GGCX: variants seen among roughly 807,000 people sequenced by gnomAD.
The protein encoded by GGCX is vitamin K-dependent gamma-carboxylase.
GGCX carries 63 observed loss-of-function variants against 88.5 expected under a neutral mutation model. The observed-to-expected ratio is 0.71, with a 90% CI of 0.58 to 0.88. The LOEUF is 0.88. Ranked by LOEUF, GGCX falls within the 40% of genes least tolerant of loss-of-function variation. GGCX has a pLI of 0.00. For missense variants in GGCX, 805 were observed against 932.9 expected (o/e 0.86, Z 1.79); for synonymous variants, 368 against 365.8 (o/e 1.01, Z -0.07).
In GGCX at chr2:85,551,956, C is replaced by T. The variant is rs375186088; in HGVS notation, c.1465G>A (p.Val489Met). ...QRIFDPRVDI[V>M]QAAWSPFQRT... ...TGAAAGGGTGACCAAGCGGCCTGCA[C>T]GATGTCCACACGAGGGTCAAAAATC... Residue 489 changes from valine (V) to methionine (M), a missense_variant, in exon 11 of 15, where the codon GTG becomes ATG. Physicochemically the swap from Val to Met is conservative, Grantham distance 21. Around this residue, in one of 3 missense-constraint regions of GGCX, gnomAD observed 680 missense variants for 763.7 expected, o/e 0.89. Transcript: ENST00000233838. 26 of 1,613,854 alleles carry T rather than the reference C, an allele frequency of 1.6e-5. No homozygotes were observed. In the African/African-American group the frequency reaches 3.2e-4, roughly 20 times the overall value.
Position 85,545,289 on chromosome 2 carries a change from G to A in GGCX, c.*4645C>T, listed in dbSNP as rs1393477163. 6.6e-6 allele frequency: 1 copy of A among 152,610 alleles called. No homozygotes were observed. The highest frequency in any genetic ancestry group is 2.4e-5 in the African/African-American group (1 of 41,434). The allele number at this position is 152,610 out of a possible 1,614,324, so 9.5% of individuals were successfully genotyped here. The stretch of plus-strand genomic sequence containing the variant: ...GCTAGGTTCTACCTTAACTGTGTCT[G>A]TTACTCATTTGTTAAAGTGCTTTGG... On this transcript the variant is annotated 3_prime_UTR_variant, in exon 15 of 15. Transcript: ENST00000233838.
rs202216508 is a variant in GGCX, at chr2:85,553,445, C to G, written c.942G>C (p.Glu314Asp). 20 of 1,613,968 alleles carry G rather than the reference C, an allele frequency of 1.2e-5. No individual in the cohort carries two copies. The South Asian group carries it at 2.2e-4, about 18-fold the overall frequency. The part of the protein sequence containing the change: ...LASSPLFCSP[E>D]WPRKLVSYCP... Reference sequence around the variant, plus strand: ...AGTAGGACACCAGCTTCCGAGGCCACTCAGGGGAGCAGAAGAGAGGGCTGC... The same window carrying G: ...AGTAGGACACCAGCTTCCGAGGCCAGTCAGGGGAGCAGAAGAGAGGGCTGC... Residue 314 changes from glutamate (E) to aspartate (D), a missense_variant, in exon 8 of 15, where the codon GAG becomes GAC. This residue lies in a region of GGCX where 680 missense variants were observed against 763.7 expected (regional missense o/e 0.89). Transcript: ENST00000233838.
chr2:85,545,789 A>G lies in GGCX; in HGVS notation c.*4145T>C, dbSNP rs1691632296. 6.6e-6 allele frequency: 1 copy of G among 151,816 alleles called. No homozygotes were observed. Among genetic ancestry groups the G allele is most frequent in the Non-Finnish European group, 1.5e-5 (1 of 68,046 alleles). 9.4% of individuals were successfully genotyped at this position (151,816 alleles called of 1,614,324 possible). A position where few individuals can be genotyped will look rare whatever the true frequency, so the allele number is the denominator to read the frequency against. ...TGGCAATTTAAGCCTATTAATCTGC[A>G]TACATTTTTAAATTATGAGCTTAGT... On this transcript the variant is annotated 3_prime_UTR_variant, in exon 15 of 15. Coordinates refer to ENST00000233838, the MANE Select transcript of GGCX (RefSeq NM_000821.7).
rs1168487334 is a variant in GGCX, at chr2:85,546,081, G to T, written c.*3853C>A. 1 of 152,216 alleles carries T rather than the reference G, an allele frequency of 6.6e-6. No individual in the cohort carries two copies. Among genetic ancestry groups the T allele is most frequent in the Admixed American group, 6.5e-5 (1 of 15,280 alleles). The allele number at this position is 152,216 out of a possible 1,614,324, so 9.4% of individuals were successfully genotyped here. The stretch of plus-strand genomic sequence containing the variant: ...CTTGTCCTGCAAATGTAGAGCCAAG[G>T]AGTGCTTGCTTATGCCTGTTTGCAT... On this transcript the variant is annotated 3_prime_UTR_variant, in exon 15 of 15. Transcript: ENST00000233838.
rs1692192153 is a variant in GGCX at position 85,556,120 on chromosome 2, G to C, written c.618+62C>G. Reference sequence around the variant, plus strand: ...CAGCGGAGAGTGTAGTCTGGCAGTGGGATGGCCATGCTGACCACATGGCTG... The same window carrying C: ...CAGCGGAGAGTGTAGTCTGGCAGTGCGATGGCCATGCTGACCACATGGCTG... On this transcript the variant is annotated intron_variant, in intron 5 of 14. Transcript: ENST00000233838. The C allele has an allele frequency of 1.3e-5, 13 of 964,668 alleles. No homozygotes were observed. The South Asian group carries it at 1.7e-4, about 12-fold the overall frequency. 59.8% of individuals were successfully genotyped at this position (964,668 alleles called of 1,614,324 possible).
rs368031746 is a variant in GGCX, at chr2:85,549,847, T to C, written c.*87A>G. ...CCCCCAAAAAAAAAAAAAAAACTTT[T>C]GAGAATTTTTTTCAAATAAATGTCC... is the stretch of plus-strand genomic sequence containing the variant. On this transcript the variant is annotated 3_prime_UTR_variant, in exon 15 of 15. Transcript: ENST00000233838. The C allele has an allele frequency of 8.5e-6, 7 of 819,714 alleles. 1 individual carries two copies. The highest frequency in any genetic ancestry group is 1.2e-5 in the Non-Finnish European group (6 of 520,704). The allele number at this position is 819,714 out of a possible 1,614,324, so 50.8% of individuals were successfully genotyped here.
rs201917261 is a variant in GGCX, at chr2:85,549,957, C to G, written c.2254G>C (p.Asp752His). The G allele has an allele frequency of 6.9e-5, 112 of 1,613,316 alleles. No homozygotes were observed. Among genetic ancestry groups the G allele is most frequent in the Admixed American group, 5.3e-4 (32 of 59,984 alleles). Residue 752 changes from aspartate (D) to histidine (H), a missense_variant, in exon 15 of 15, where the codon GAT becomes CAT. Transcript: ENST00000233838. ...CTTCAGAACTCTGAGTGGACAGGAT[C>G]AGGATTTGACTCAGGAGGATTAGAA... ...SHSNPPESNP[D>H]PVHSEF
Position 85,553,450 on chromosome 2 carries a change from G to A in GGCX, c.937C>T (p.Pro313Ser). 1 of 1,613,940 alleles carries A rather than the reference G, an allele frequency of 6.2e-7. No individual in the cohort carries two copies. The highest frequency in any genetic ancestry group is 8.5e-7 in the Non-Finnish European group (1 of 1,179,958). The change falls in exon 8 of 15, where the codon CCT becomes TCT. Residue 313 changes from proline to serine, a missense_variant. Pro to Ser is a moderately conservative substitution (Grantham distance 74). Transcript: ENST00000233838. ...GACACCAGCTTCCGAGGCCACTCAG[G>A]GGAGCAGAAGAGAGGGCTGCTGGCC... ...MLASSPLFCS[P>S]EWPRKLVSYC...
chr2:85,559,079 A>G lies in GGCX; in HGVS notation c.215-4T>C. On this transcript the variant is annotated splice_polypyrimidine_tract_variant and splice_region_variant and intron_variant, in intron 2 of 14. Transcript: ENST00000233838. ...ATGTCTAGCACCATCAAGAACCCTA[A>G]GAAGGCAATAGGGGAGTTGGTCATT... 1 of 1,613,782 alleles carries G rather than the reference A, an allele frequency of 6.2e-7. No individual in the cohort carries two copies.
intron 2 of GGCX, among the ~76,000 whole-genome samples, chr2:85,560,183 A>T (rs985098129): frequency 4.6e-5 from 7 of 152,188 alleles, no homozygotes; most frequent in Admixed American, 4.6e-4. Context: ...TTAGGGAGTC[A>T]CAGCCAAAAG....
chr2:85,547,299 A>G lies in GGCX; in HGVS notation c.*2635T>C, dbSNP rs1208561770. ...AAATCCTGAGGGTAGAATGAGGAGG[A>G]TGTATACTAAAGTCTTTTGGCTAAA... On this transcript the variant is annotated 3_prime_UTR_variant, in exon 15 of 15. Coordinates refer to ENST00000233838, the MANE Select transcript of GGCX (RefSeq NM_000821.7). 2 of 152,174 alleles carry G rather than the reference A, an allele frequency of 1.3e-5. No individual in the cohort carries two copies. The highest frequency in any genetic ancestry group is 2.9e-5 in the Non-Finnish European group (2 of 68,022). The allele number at this position is 152,174 out of a possible 1,614,324, so 9.4% of individuals were successfully genotyped here.
Position 85,547,645 on chromosome 2 carries a change from G to A in GGCX, c.*2289C>T, listed in dbSNP as rs535082799. On this transcript the variant is annotated 3_prime_UTR_variant, in exon 15 of 15. Coordinates refer to ENST00000233838, the MANE Select transcript of GGCX (RefSeq NM_000821.7). Reference sequence around the variant, plus strand: ...AGTATCTTCTATTGTGTTACTATGAGAGAAGATCTGCAAAAGGATTGAAAA... The same window carrying A: ...AGTATCTTCTATTGTGTTACTATGAAAGAAGATCTGCAAAAGGATTGAAAA... 3 of 152,322 alleles carry A rather than the reference G, an allele frequency of 2.0e-5. No homozygotes were observed. Among genetic ancestry groups the A allele is most frequent in the African/African-American group, 7.2e-5 (3 of 41,566 alleles). The allele number at this position is 152,322 out of a possible 1,614,324, so 9.4% of individuals were successfully genotyped here.
intron 13 of GGCX, 72 bp from the exon 14 acceptor site, chr2:85,550,822 CAG>C: frequency 1.9e-6 from 3 of 1,579,238 alleles, no homozygotes; most frequent in Non-Finnish European, 2.6e-6. Flanking sequence ...CCTCTTCTGC[CAG>C]CTAGAGACTT....
rs1692001329 is a variant in GGCX, at chr2:85,552,406, C to A, written c.1439+10G>T. 2 of 1,612,952 alleles carry A rather than the reference C, an allele frequency of 1.2e-6. No homozygotes were observed. The highest frequency in any genetic ancestry group is 3.3e-5 in the Admixed American group (2 of 60,004). On this transcript the variant is annotated intron_variant, in intron 10 of 14. Coordinates refer to ENST00000233838, the MANE Select transcript of GGCX (RefSeq NM_000821.7). ...TTCATTTTTTCCCACTCTCTGCTCC[C>A]CTTGCCCACCTCTGCTGGAAGCGGT...
chr2:85,559,158 A>G, intron 2 of GGCX, 83 bp from the exon 3 acceptor site: 2 of 1,136,202 alleles, frequency 1.8e-6, no homozygotes, highest in Non-Finnish European at 2.7e-6. Context: ...GACAGTGTGC[A>G]GCTCCAGGGT....
In GGCX at chr2:85,551,703, C is replaced by T. The variant is rs896978190; in HGVS notation, c.1610-93G>A. On this transcript the variant is annotated intron_variant, in intron 11 of 14. Transcript: ENST00000233838. ...GACATCACACCTTTACCACCATCAT[C>T]CCCTTAGGTTTCAAAAACATTCCCT... is the stretch of plus-strand genomic sequence containing the variant. The T allele has an allele frequency of 1.4e-5, 22 of 1,571,016 alleles. 1 individual carries two copies. The South Asian group carries it at 2.4e-4, about 17-fold the overall frequency.
chr2:85,552,302 G>T, intron 10 of GGCX, 114 bp downstream of exon 10: 1 of 1,029,430 alleles, frequency 9.7e-7, no homozygotes, highest in Non-Finnish European at 1.5e-6. Context: ...AGGGGGACAT[G>T]CACTAGAGGA....
At position 85,550,090 on chromosome 2, in the gene GGCX, T is replaced by C; in HGVS notation, c.2121A>G (p.Ile707Met). Reference sequence around the variant, plus strand: ...GCTGCTCCAGGGAAGGACGGCCTAATATCAGATTTCGAAGTGAGATACAAG... The same window carrying C: ...GCTGCTCCAGGGAAGGACGGCCTAACATCAGATTTCGAAGTGAGATACAAG... ...LMTCISLRNL[I>M]LGRPSLEQLA... Residue 707 changes from isoleucine (I) to methionine (M), a missense_variant, in exon 15 of 15, where the codon ATA becomes ATG. This residue lies in a region of GGCX where 680 missense variants were observed against 763.7 expected (regional missense o/e 0.89). Coordinates refer to ENST00000233838, the MANE Select transcript of GGCX (RefSeq NM_000821.7). 6.2e-7 allele frequency: 1 copy of C among 1,613,896 alleles called. No homozygotes were observed. Among genetic ancestry groups the C allele is most frequent in the East Asian group, 2.2e-5 (1 of 44,878 alleles).
chr2:85,552,170 G>A (rs991380065), intron 10 of GGCX, among the ~76,000 whole-genome samples, 189 bp from the exon 11 acceptor site: 2 of 152,166 alleles, frequency 1.3e-5, no homozygotes, highest in African/African-American at 2.4e-5. Flanking sequence ...GTATAATGGG[G>A]GTTAGTAGCT....
Sources: allele counts gnomAD v4.1 joint callset (sites outside exome capture counted in the v4.1 genomes callset), GRCh38; gene constraint gnomAD v4.1.1; regional missense constraint gnomAD v4.1.1; transcripts MANE v1.5; gene names NCBI Gene and HGNC (gene_info 2026-07-23, HGNC 2026-07-21).